SUMF1: variants seen among roughly 807,000 people sequenced by gnomAD.
The protein encoded by SUMF1 is sulfatase modifying factor 1, also known as formylglycine-generating enzyme.
SUMF1 carries 48 observed loss-of-function variants against 47.6 expected under a neutral mutation model. The ratio of observed to expected loss-of-function variants is 1.01; its 90% confidence interval spans 0.80 to 1.28. The LOEUF is 1.28. Among genes scored for constraint, SUMF1 ranks in the 50% most tolerant of loss-of-function variants. SUMF1 has a pLI of 0.00. For synonymous variants in SUMF1, 230 were observed against 192.1 expected (o/e 1.20, Z -1.63); for missense variants, 571 against 485.4 (o/e 1.18, Z -1.66).
chr3:4,139,510 TAA>T (rs991554231), intron 8 of SUMF1, among the ~76,000 whole-genome samples: 2 of 151,696 alleles, frequency 1.3e-5, no homozygotes, highest in Admixed American at 1.3e-4. Flanking sequence ...AAATGTATAA[TAA>T]ACTTATATAC....
intron 8 of SUMF1, among the ~76,000 whole-genome samples, chr3:4,163,034 A>T (rs368204578): frequency 6.6e-6 from 1 of 152,086 alleles, no homozygotes; most frequent in African/African-American, 2.4e-5. Flanking sequence ...ATTTAGCCCA[A>T]CTGAAGGAAG....
intron 1 of SUMF1, among the ~76,000 whole-genome samples, chr3:4,465,327 T>C (rs897959498): frequency 2.0e-5 from 3 of 152,010 alleles, no homozygotes; most frequent in Admixed American, 6.5e-5. Context: ...ATACAAAAAT[T>C]AGCTGGGTAT....
intron 7 of SUMF1, among the ~76,000 whole-genome samples, chr3:4,385,077 G>C (rs1043553490): frequency 1.3e-5 from 2 of 151,906 alleles, no homozygotes; most frequent in South Asian, 4.2e-4. Context: ...GCACAGACAG[G>C]GTTTCACCAT....
intron 9 of SUMF1, among the ~76,000 whole-genome samples, chr3:4,060,742 G>T (rs1420876740): frequency 6.6e-6 from 1 of 152,132 alleles, no homozygotes; most frequent in Non-Finnish European, 1.5e-5. Flanking sequence ...ATTCAGAACT[G>T]CAAATGAGGG....
At chr3:4,417,266 A>G in intron 5 of SUMF1, 24 bp from the exon 6 acceptor site, 1 of 1,595,828 alleles carries the variant, frequency 6.3e-7, no homozygotes, top group East Asian at 2.2e-5. Flanking sequence ...CACAGGCATC[A>G]GCCTGTCAAA....
In SUMF1 at chr3:4,442,638, GA is replaced by G. The variant is rs61296884; in HGVS notation, c.519+6627del. 1.8e-3 allele frequency among the ~76,000 whole-genome samples: 108 copies of G among 61,320 alleles called. 2 individuals carry two copies. Among genetic ancestry groups the G allele is most frequent in the African/African-American group, 4.5e-3 (98 of 21,912 alleles). 40.2% of individuals were successfully genotyped at this position (61,320 alleles called of 152,430 possible). On this transcript the variant is annotated intron_variant, in intron 3 of 8. Transcript: ENST00000272902. ...AAATAGAGGGACAAGAGAGAAAAAGGAAAAAAAAAAAAAAGAGAGAGAAAAA... is the reference window on the plus strand; with the variant it reads ...AAATAGAGGGACAAGAGAGAAAAAGGAAAAAAAAAAAAAGAGAGAGAAAAA...
At chr3:4,180,645 A>G (rs1695074721) in intron 8 of SUMF1, among the ~76,000 whole-genome samples, 1 of 130,736 alleles carries the variant, frequency 7.6e-6, no homozygotes, top group African/African-American at 2.9e-5. Flanking sequence ...ATACCTATGT[A>G]TCAAACCTGC....
intron 8 of SUMF1, among the ~76,000 whole-genome samples, chr3:4,082,400 T>TCGAGG (rs1478435308): frequency 1.3e-5 from 2 of 151,932 alleles, no homozygotes; most frequent in Admixed American, 6.6e-5. Flanking sequence ...GCCTGGGAGG[T>TCGAGG]CGAGGCTGCA....
At chr3:4,455,789 T>C (rs1215214254) in intron 1 of SUMF1, among the ~76,000 whole-genome samples, 1 of 152,158 alleles carries the variant, frequency 6.6e-6, no homozygotes, top group African/African-American at 2.4e-5. Context: ...GGCAGAATTC[T>C]AATTTAAAGA....
chr3:4,113,064 TTAAAAATAATTG>T (rs1255025816), intron 8 of SUMF1, among the ~76,000 whole-genome samples: 1 of 152,004 alleles, frequency 6.6e-6, no homozygotes, highest in African/African-American at 2.4e-5. Flanking sequence ...AAAATGAGAT[TTAAAAATAATTG>T]TAAATATTTT....
chr3:4,239,214 C>G (rs1377201260), intron 8 of SUMF1, among the ~76,000 whole-genome samples: 2 of 152,100 alleles, frequency 1.3e-5, no homozygotes, highest in African/African-American at 4.8e-5. Context: ...AGTGTGATGC[C>G]TCCAGCTTTG....
intron 8 of SUMF1, among the ~76,000 whole-genome samples, chr3:4,092,434 C>T (rs1011536231): frequency 6.6e-6 from 1 of 152,188 alleles, no homozygotes; most frequent in Non-Finnish European, 1.5e-5. Flanking sequence ...ATCCTTTCCA[C>T]ATTGAGCATC....
intron 8 of SUMF1, among the ~76,000 whole-genome samples, chr3:4,325,674 T>A (rs937945065): frequency 6.6e-6 from 1 of 152,086 alleles, no homozygotes; most frequent in African/African-American, 2.4e-5. Context: ...TTTTAAGGTG[T>A]CTAAGTGCAG....
intron 8 of SUMF1, among the ~76,000 whole-genome samples, chr3:4,188,923 C>A (rs542649055): frequency 3.3e-5 from 5 of 152,220 alleles, no homozygotes; most frequent in Admixed American, 2.0e-4. Context: ...TGTAATAAAT[C>A]TTAGTTATTA....
intron 8 of SUMF1, among the ~76,000 whole-genome samples, chr3:4,118,446 C>T (rs1322150268): frequency 6.6e-6 from 1 of 151,864 alleles, no homozygotes; most frequent in Non-Finnish European, 1.5e-5. Context: ...AGAATGAATC[C>T]AGGAAGTCTA....
At chr3:4,455,438 A>T (rs1483938788) in intron 1 of SUMF1, among the ~76,000 whole-genome samples, 1 of 152,220 alleles carries the variant, frequency 6.6e-6, no homozygotes, top group Non-Finnish European at 1.5e-5. Flanking sequence ...AAAATTGGCC[A>T]GGTGCAGTGG....
chr3:4,276,383 T>G (rs933366409), intron 8 of SUMF1, among the ~76,000 whole-genome samples: 6 of 131,044 alleles, frequency 4.6e-5, no homozygotes, highest in Non-Finnish European at 1.1e-4. Flanking sequence ...TATAACTATC[T>G]TTTACTATGA....
At chr3:4,418,549 A>G (rs940264414) in intron 4 of SUMF1, among the ~76,000 whole-genome samples, 2 of 152,214 alleles carry the variant, frequency 1.3e-5, no homozygotes, top group Non-Finnish European at 2.9e-5. Context: ...CAGCCATTTC[A>G]GCCTACAGTG....
At chr3:4,232,891 C>A (rs1696332376) in intron 8 of SUMF1, among the ~76,000 whole-genome samples, 1 of 152,098 alleles carries the variant, frequency 6.6e-6, no homozygotes, top group Non-Finnish European at 1.5e-5. Context: ...CAAATCCCCA[C>A]AGAGTCATTG....
Sources: gnomAD v4.1 joint callset for allele counts (sites outside exome capture counted in the v4.1 genomes callset) on GRCh38, gnomAD v4.1.1 for gene constraint, MANE v1.5 for transcripts, NCBI Gene and HGNC (gene_info 2026-07-23, HGNC 2026-07-21) for gene names.